ARCN1: variants seen among roughly 807,000 people sequenced by gnomAD.
ARCN1 encodes the protein coatomer subunit delta.
A neutral mutation model predicts 60.4 loss-of-function variants in ARCN1; 5 were observed. The ratio of observed to expected loss-of-function variants is 0.08; its 90% CI spans 0.04 to 0.17. The LOEUF is 0.17. Among genes scored for constraint, ARCN1 ranks in the 10% least tolerant of loss-of-function variants. ARCN1 has a pLI of 1.00. For synonymous variants in ARCN1, 224 were observed against 220.0 expected, an observed-to-expected ratio of 1.02 and a Z score of -0.16; for missense variants, 464 against 626.5, an observed-to-expected ratio of 0.74 and a Z score of 2.77.
At chr11:118,576,893 C>G (rs1170288970) in intron 1 of ARCN1, among the ~76,000 whole-genome samples, 3 of 152,118 alleles carry the variant, frequency 2.0e-5, no homozygotes, top group Non-Finnish European at 4.4e-5. Context: ...TACTGAAAGC[C>G]TGGAATTCTG....
chr11:118,578,874 CTTTT>C lies in ARCN1; in HGVS notation c.4-2343_4-2340del, dbSNP rs56050047. On this transcript the variant is annotated intron_variant, in intron 1 of 9. Transcript: ENST00000264028. ...GGCAACATGGCAAAACCCCGTCTCT[CTTTT>C]TTTTTTTTTTTTTTTTTTTTTTTTT... 2.4e-3 allele frequency among the ~76,000 whole-genome samples: 197 copies of C among 83,440 alleles called. 1 individual carries two copies. Among genetic ancestry groups the C allele is most frequent in the African/African-American group, 8.5e-3 (178 of 20,992 alleles). The allele number at this position is 83,440 out of a possible 152,430, so 54.7% of individuals were successfully genotyped here.
chr11:118,584,689 C>G, intron 5 of ARCN1, 45 bp downstream of exon 5: 1 of 1,462,242 alleles, frequency 6.8e-7, no homozygotes, highest in Non-Finnish European at 9.1e-7. Context: ...GAATACAGTC[C>G]ACATAATTTT....
At chr11:118,591,787 T>TGG (rs1370826168) in intron 6 of ARCN1, among the ~76,000 whole-genome samples, 4 of 151,186 alleles carry the variant, frequency 2.6e-5, no homozygotes, top group Non-Finnish European at 4.4e-5. Context: ...CGGGCTGGAG[T>TGG]GCAGCAGCAC....
At position 118,601,327 on chromosome 11, in the gene ARCN1, G is replaced by T. The variant is rs1939143790; in HGVS notation, c.*613G>T. ...TCCGCCCACCTCAGCCTCCCAAAGT[G>T]TTGGGATTACAGGCATGAGCCACCA... On this transcript the variant is annotated 3_prime_UTR_variant, in exon 10 of 10. Transcript: ENST00000264028. 2 of 440,184 alleles carry T rather than the reference G, an allele frequency of 4.5e-6. No individual in the cohort carries two copies. Among genetic ancestry groups the T allele is most frequent in the African/African-American group, 2.0e-5 (1 of 48,818 alleles). 27.3% of individuals were successfully genotyped at this position (440,184 alleles called of 1,614,324 possible).
intron 4 of ARCN1, 36 bp downstream of exon 4, chr11:118,584,050 G>T: frequency 6.3e-7 from 1 of 1,576,234 alleles, no homozygotes; most frequent in Non-Finnish European, 8.7e-7. Flanking sequence ...CCAGGTGAAG[G>T]GTGTATATGT....
chr11:118,583,052 T>G, intron 2 of ARCN1, 127 bp from the exon 3 acceptor site: 1 of 1,132,720 alleles, frequency 8.8e-7, no homozygotes, highest in South Asian at 1.4e-5. Flanking sequence ...AAAAATAAAA[T>G]AAAGACTAGA....
chr11:118,589,390 C>G (rs1555075933), intron 5 of ARCN1, among the ~76,000 whole-genome samples: 4 of 152,084 alleles, frequency 2.6e-5, no homozygotes. Context: ...TGTTTTCTCA[C>G]CATTGCCTAC....
chr11:118,599,962 G>A (rs1411220012), intron 9 of ARCN1, among the ~76,000 whole-genome samples: 2 of 152,152 alleles, frequency 1.3e-5, no homozygotes, highest in African/African-American at 2.4e-5. Flanking sequence ...CAACTGTATT[G>A]AACTCAAGAC....
rs1039459251 is a variant in ARCN1, at chr11:118,596,221, T to C, written c.1242-1486T>C. On this transcript the variant is annotated intron_variant, in intron 8 of 9. Transcript: ENST00000264028. ...TCCCCTTTAATGGGTAACCATCTTA[T>C]CCTCTACAGTATGGTTATTGCTTCA... Among the ~76,000 whole-genome samples the C allele has an allele frequency of 2.0e-5, 3 of 152,240 alleles. 1 individual carries two copies. The highest frequency in any genetic ancestry group is 2.0e-4 in the Admixed American group (3 of 15,284).
chr11:118,576,437 A>C (rs1325006139), intron 1 of ARCN1, among the ~76,000 whole-genome samples: 2 of 146,628 alleles, frequency 1.4e-5, no homozygotes, highest in Non-Finnish European at 3.0e-5. Context: ...AAAAAAAAAA[A>C]AAAAAAAAAA....
intron 5 of ARCN1, among the ~76,000 whole-genome samples, chr11:118,589,227 TAG>T (rs1409121324): frequency 1.3e-5 from 2 of 152,098 alleles, no homozygotes; most frequent in African/African-American, 4.8e-5. Context: ...ATATAATGTT[TAG>T]AGAGAGAGAA....
intron 8 of ARCN1, among the ~76,000 whole-genome samples, chr11:118,597,480 C>A (rs1267852934): frequency 4.6e-5 from 7 of 152,198 alleles, no homozygotes; most frequent in African/African-American, 1.7e-4. Flanking sequence ...TGCCAAATAC[C>A]TATTTTTGCA....
intron 5 of ARCN1, among the ~76,000 whole-genome samples, chr11:118,589,056 G>A (rs560421465): frequency 2.6e-5 from 4 of 152,278 alleles, no homozygotes; most frequent in African/African-American, 9.6e-5. Context: ...AACTATCAGT[G>A]TAAATTTGTG....
At chr11:118,592,668 C>T (rs1385403693) in intron 6 of ARCN1, 41 bp from the exon 7 acceptor site, 1 of 1,563,368 alleles carries the variant, frequency 6.4e-7, no homozygotes, top group South Asian at 1.2e-5. Context: ...TGTTTCTCGT[C>T]TATCTGAACC....
chr11:118,581,167 T>A, intron 1 of ARCN1, 79 bp from the exon 2 acceptor site: 1 of 1,542,286 alleles, frequency 6.5e-7, no homozygotes, highest in Non-Finnish European at 8.9e-7. Flanking sequence ...TATGTCATTC[T>A]ATGGAACATT....
intron 2 of ARCN1, 88 bp from the exon 3 acceptor site, chr11:118,583,091 G>A: frequency 1.4e-6 from 2 of 1,442,782 alleles, no homozygotes; most frequent in Non-Finnish European, 1.9e-6. Flanking sequence ...TTAGGTTATT[G>A]AAATTTATGT....
intron 2 of ARCN1, among the ~76,000 whole-genome samples, chr11:118,582,670 G>A (rs958245654): frequency 6.7e-6 from 1 of 150,370 alleles, no homozygotes. Context: ...GGGTTGCAGT[G>A]AGCCGAGATC....
intron 6 of ARCN1, among the ~76,000 whole-genome samples, chr11:118,591,486 A>G (rs1194050193): frequency 2.6e-5 from 4 of 152,098 alleles, no homozygotes; most frequent in African/African-American, 9.7e-5. Context: ...CTGCCTCCCC[A>G]GTTGAAGCAG....
At chr11:118,575,072 G>A (rs1363255763) in intron 1 of ARCN1, among the ~76,000 whole-genome samples, 4 of 152,214 alleles carry the variant, frequency 2.6e-5, no homozygotes, top group Admixed American at 6.5e-5. Context: ...TCTGCCTCCC[G>A]GGTTCAAGCT....
Sources: gnomAD v4.1 joint callset for allele counts (sites outside exome capture counted in the v4.1 genomes callset) on GRCh38, gnomAD v4.1.1 for gene constraint, MANE v1.5 for transcripts, NCBI Gene and HGNC (gene_info 2026-07-23, HGNC 2026-07-21) for gene names.